The following VAMP7 variants were observed in gnomAD, a reference collection of about 807,000 sequenced individuals.
The protein encoded by VAMP7 is vesicle-associated membrane protein 7.
Under a neutral mutation model 29.6 loss-of-function variants are expected in VAMP7, and 14 were observed. That is an observed-to-expected ratio of 0.47 (90% CI 0.31 to 0.74). VAMP7 has a LOEUF of 0.74. VAMP7 is among the 30% of genes least tolerant of loss of function. The pLI is 0.05. For missense variants in VAMP7, 223 were observed against 262.4 expected (o/e 0.85, Z 1.04); for synonymous variants, 95 against 88.1 (o/e 1.08, Z -0.44).
chrX:155,933,887 C>G (rs1158394006), intron 6 of VAMP7, among the ~76,000 whole-genome samples: 1 of 152,118 alleles, frequency 6.6e-6, no homozygotes, highest in Admixed American at 6.5e-5. Flanking sequence ...CCCAGAGATT[C>G]TGGTATGTTG....
At chrX:155,902,957 C>A (rs1377533690) in intron 5 of VAMP7, among the ~76,000 whole-genome samples, 3 of 151,498 alleles carry the variant, frequency 2.0e-5, no homozygotes, top group Admixed American at 1.3e-4. Flanking sequence ...CCAGTTCCTC[C>A]TTGTACCTCT....
chrX:155,898,351 T>C (rs1277203226), intron 4 of VAMP7, 102 bp downstream of exon 4: 2 of 1,439,484 alleles, frequency 1.4e-6, no homozygotes, highest in African/African-American at 2.9e-5. Flanking sequence ...AGTTTTCTGA[T>C]TGTGTTACTG....
At chrX:155,936,633 C>A (rs1265368628) in intron 6 of VAMP7, among the ~76,000 whole-genome samples, 1 of 152,212 alleles carries the variant, frequency 6.6e-6, no homozygotes, top group Non-Finnish European at 1.5e-5. Flanking sequence ...AATTCCCTGA[C>A]CCCTTGTGCT....
chrX:155,896,332 A>G (rs757954747), intron 3 of VAMP7, among the ~76,000 whole-genome samples: 1 of 152,306 alleles, frequency 6.6e-6, no homozygotes, highest in South Asian at 2.1e-4. Flanking sequence ...AAAATTGTTT[A>G]CGTGGAATGT....
chrX:155,925,215 TCC>T (rs2124364899), intron 6 of VAMP7, among the ~76,000 whole-genome samples: 1 of 152,270 alleles, frequency 6.6e-6, no homozygotes, highest in South Asian at 2.1e-4. Flanking sequence ...TTTGACTTCC[TCC>T]CACGAATCAT....
intron 1 of VAMP7, among the ~76,000 whole-genome samples, chrX:155,888,448 T>A (rs2065890750): frequency 6.6e-6 from 1 of 152,164 alleles, no homozygotes; most frequent in Admixed American, 6.5e-5. Context: ...CCCACTACAG[T>A]TTGAGAACCA....
At chrX:155,903,829 C>T (rs200390308) in intron 5 of VAMP7, among the ~76,000 whole-genome samples, 2 of 152,066 alleles carry the variant, frequency 1.3e-5, no homozygotes, top group African/African-American at 4.8e-5. Flanking sequence ...CTAGAAATAC[C>T]ATTTGACCCA....
intron 6 of VAMP7, among the ~76,000 whole-genome samples, chrX:155,935,523 G>C (rs1216887334): frequency 6.6e-6 from 1 of 151,984 alleles, no homozygotes; most frequent in Non-Finnish European, 1.5e-5. Context: ...TCGTCACTTA[G>C]TTCTCGTGCC....
chrX:155,881,641 C>G (rs756621177), intron 1 of VAMP7, among the ~76,000 whole-genome samples, 193 bp downstream of exon 1: 2 of 152,158 alleles, frequency 1.3e-5, no homozygotes, highest in Non-Finnish European at 2.9e-5. Context: ...CTGGAAAGGC[C>G]TCGAGTTAAA....
In VAMP7 at chrX:155,942,501, G is replaced by C. The variant is rs887986167; in HGVS notation, c.*550G>C. The stretch of plus-strand genomic sequence containing the variant: ...TAAAGTATGAAACATTCTTATTTCA[G>C]TTAGATGGGGAACATTTTGCTAGCC... On this transcript the variant is annotated 3_prime_UTR_variant, in exon 8 of 8. Transcript: ENST00000286448. The C allele has an allele frequency of 8.3e-6, 2 of 240,074 alleles. No individual in the cohort carries two copies. The highest frequency in any genetic ancestry group is 4.5e-5 in the African/African-American group (2 of 44,330). 14.9% of individuals were successfully genotyped at this position (240,074 alleles called of 1,614,324 possible).
intron 6 of VAMP7, among the ~76,000 whole-genome samples, chrX:155,931,574 A>G (rs2066555739): frequency 1.3e-5 from 2 of 151,944 alleles, no homozygotes; most frequent in African/African-American, 2.4e-5. Flanking sequence ...TTCTTTTCTT[A>G]TAAATTTGTT....
At chrX:155,903,158 G>C (rs1285393738) in intron 5 of VAMP7, among the ~76,000 whole-genome samples, 7 of 152,104 alleles carry the variant, frequency 4.6e-5, no homozygotes, top group African/African-American at 1.7e-4. Flanking sequence ...TATTTGCGTA[G>C]AGGTGTTTGT....
At chrX:155,930,671 T>G (rs2066537199) in intron 6 of VAMP7, among the ~76,000 whole-genome samples, 1 of 150,524 alleles carries the variant, frequency 6.6e-6, no homozygotes, top group Non-Finnish European at 1.5e-5. Flanking sequence ...AAAATTTTTT[T>G]TCTTTTAATT....
At chrX:155,919,757 T>C in intron 5 of VAMP7, 56 bp from the exon 6 acceptor site, 1 of 1,502,794 alleles carries the variant, frequency 6.7e-7, no homozygotes, top group South Asian at 1.2e-5. Context: ...TTAAAAAAAG[T>C]TTATTTTATT....
chrX:155,908,290 A>G (rs1488550254), intron 5 of VAMP7, among the ~76,000 whole-genome samples: 1 of 152,008 alleles, frequency 6.6e-6, no homozygotes, highest in African/African-American at 2.4e-5. Context: ...AGTGAACGAG[A>G]CTCCGTCTGC....
intron 6 of VAMP7, among the ~76,000 whole-genome samples, chrX:155,935,000 C>G (rs1054042981): frequency 1.3e-5 from 2 of 152,146 alleles, no homozygotes; most frequent in African/African-American, 4.8e-5. Flanking sequence ...GTTGAAAATT[C>G]TTTTCTTTAA....
chrX:155,898,798 G>T (rs6642366), intron 4 of VAMP7, among the ~76,000 whole-genome samples: 98,028 of 151,894 alleles, frequency 0.65, 32,089 homozygotes, highest in African/African-American at 0.76. Context: ...AGGCAACCAC[G>T]GATCTGTTTT....
chrX:155,922,719 G>A (rs900057811), intron 6 of VAMP7, among the ~76,000 whole-genome samples: 9 of 151,892 alleles, frequency 5.9e-5, no homozygotes, highest in Non-Finnish European at 1.3e-4. Context: ...AACAAGTTGG[G>A]AAATCTTACC....
intron 6 of VAMP7, among the ~76,000 whole-genome samples, chrX:155,936,884 ATAGT>A (rs1208357512): frequency 2.0e-5 from 3 of 152,338 alleles, no homozygotes; most frequent in East Asian, 1.9e-4. Context: ...AAAGAGTACA[ATAGT>A]TAGGAATAAA....
Sources: allele counts gnomAD v4.1 joint callset (sites outside exome capture counted in the v4.1 genomes callset), GRCh38; gene constraint gnomAD v4.1.1; transcripts MANE v1.5; gene names NCBI Gene and HGNC (gene_info 2026-07-23, HGNC 2026-07-21).